The following P2RY8 variants were observed in gnomAD, a reference collection of about 807,000 sequenced individuals.
P2RY8 encodes S-geranylgeranyl-glutathione receptor P2RY8.
P2RY8 carries 6 observed loss-of-function variants against 10.0 expected under a neutral mutation model. That is an observed-to-expected ratio of 0.60 (90% CI 0.33 to 1.19). P2RY8 has a LOEUF of 1.19. P2RY8 is among the 50% of genes most tolerant of loss of function. The pLI is 0.04. For synonymous variants in P2RY8, 276 were observed against 252.5 expected, an observed-to-expected ratio of 1.09 and a Z score of -0.88; for missense variants, 456 against 542.0, an observed-to-expected ratio of 0.84 and a Z score of 1.58.
At chrX:1,530,915 A>G (rs1396361867) in intron 1 of P2RY8, among the ~76,000 whole-genome samples, 1 of 151,496 alleles carries the variant, frequency 6.6e-6, no homozygotes, top group Non-Finnish European at 1.5e-5. Context: ...TCATCTATCT[A>G]TCTAATCTAT....
chrX:1,473,080 G>T (rs111161756), intron 1 of P2RY8, among the ~76,000 whole-genome samples: 1 of 103,946 alleles, frequency 9.6e-6, no homozygotes, highest in African/African-American at 3.5e-5. Flanking sequence ...TTAGTGTTTA[G>T]ATAACTGGAA....
Position 1,464,671 on chromosome X carries a change from G to C in P2RY8, c.*808C>G, listed in dbSNP as rs1429602392. ...AGGGAAGCCTGAGTGTGTTCCAGGGGCCTGATGGGACCTCCTTCTCTATCA... is the reference window on the plus strand; with the variant it reads ...AGGGAAGCCTGAGTGTGTTCCAGGGCCCTGATGGGACCTCCTTCTCTATCA... On this transcript the variant is annotated 3_prime_UTR_variant, in exon 2 of 2. Coordinates refer to ENST00000381297, the MANE Select transcript of P2RY8 (RefSeq NM_178129.5). The C allele has an allele frequency of 4.3e-6, 1 of 233,144 alleles. No homozygotes were observed. Among genetic ancestry groups the C allele is most frequent in the South Asian group, 1.8e-4 (1 of 5,532 alleles). 14.4% of individuals were successfully genotyped at this position (233,144 alleles called of 1,614,324 possible). A position where few individuals can be genotyped will look rare whatever the true frequency, so the allele number is the denominator to read the frequency against.
intron 1 of P2RY8, among the ~76,000 whole-genome samples, chrX:1,468,796 TCCC>T (rs1158407438): frequency 5.0e-4 from 1 of 2,014 alleles, no homozygotes; most frequent in African/African-American, 1.8e-3. Flanking sequence ...CCCTCTCCCC[TCCC>T]CTTCCCTCTC....
At chrX:1,527,999 G>A (rs1245340099) in intron 1 of P2RY8, among the ~76,000 whole-genome samples, 5 of 152,094 alleles carry the variant, frequency 3.3e-5, no homozygotes, top group Admixed American at 2.0e-4. Context: ...TCTATTCCAC[G>A]TGTGGCCACC....
At chrX:1,504,206 C>T (rs1325321716) in intron 1 of P2RY8, among the ~76,000 whole-genome samples, 1 of 148,884 alleles carries the variant, frequency 6.7e-6, no homozygotes, top group African/African-American at 2.5e-5. Context: ...GTCCCAGCTA[C>T]TCGGGAGGCT....
chrX:1,526,707 A>T (rs1253887368), intron 1 of P2RY8, among the ~76,000 whole-genome samples: 1 of 148,696 alleles, frequency 6.7e-6, no homozygotes, highest in Non-Finnish European at 1.5e-5. Context: ...CATCCAATTC[A>T]TCCATCTATC....
chrX:1,531,737 A>T (rs1394013148), intron 1 of P2RY8, among the ~76,000 whole-genome samples: 1 of 152,128 alleles, frequency 6.6e-6, no homozygotes, highest in Non-Finnish European at 1.5e-5. Flanking sequence ...TTTCCCCTGG[A>T]GCAGGGCACT....
chrX:1,466,364 C>G lies in P2RY8; in HGVS notation c.195G>C (p.Leu65=). ...RSPSVIFMIN[L]SVTDLMLASV... The stretch of plus-strand genomic sequence containing the variant: ...TGGCCAGCATCAGGTCCGTGACGCT[C>G]AGGTTGATCATGAAGATGACCGACG... The change falls in exon 2 of 2, where the codon CTG becomes CTC. Residue 65 remains leucine (L), a synonymous_variant. Transcript: ENST00000381297. The G allele has an allele frequency of 6.2e-7, 1 of 1,613,822 alleles. No homozygotes were observed. The highest frequency in any genetic ancestry group is 8.5e-7 in the Non-Finnish European group (1 of 1,179,854).
At chrX:1,516,216 C>CAAAA (rs112983650) in intron 1 of P2RY8, among the ~76,000 whole-genome samples, 3,076 of 144,454 alleles carry the variant, frequency 0.021, 58 homozygotes, top group Non-Finnish European at 0.028. Flanking sequence ...AAAACAACAA[C>CAAAA]AAAAAAAAAA....
intron 1 of P2RY8, among the ~76,000 whole-genome samples, chrX:1,525,772 GTCCATCCA>G (rs200299129): frequency 1.3e-5 from 2 of 148,194 alleles, no homozygotes; most frequent in African/African-American, 2.5e-5. Flanking sequence ...CCATCCATCT[GTCCATCCA>G]TCCATCCATC....
intron 1 of P2RY8, among the ~76,000 whole-genome samples, chrX:1,493,550 A>G (rs185975658): frequency 6.6e-6 from 1 of 152,272 alleles, no homozygotes; most frequent in Non-Finnish European, 1.5e-5. Context: ...GTCGACGTGA[A>G]CTATTTTTAT....
intron 1 of P2RY8, among the ~76,000 whole-genome samples, chrX:1,502,056 G>C (rs1472448871): frequency 1.3e-5 from 2 of 152,010 alleles, no homozygotes; most frequent in African/African-American, 4.8e-5. Context: ...AACTACAGGC[G>C]TGTGCCACCA....
chrX:1,484,715 A>C lies in P2RY8; in HGVS notation c.-24-18133T>G, dbSNP rs28665178. Among the ~76,000 whole-genome samples the C allele has an allele frequency of 5.7e-4, 56 of 98,246 alleles. No homozygotes were observed. The East Asian group carries it at 0.011, about 20-fold the overall frequency. 64.5% of individuals were successfully genotyped at this position (98,246 alleles called of 152,430 possible). A position where few individuals can be genotyped will look rare whatever the true frequency, so the allele number is the denominator to read the frequency against. On this transcript the variant is annotated intron_variant, in intron 1 of 1. Coordinates refer to ENST00000381297, the MANE Select transcript of P2RY8 (RefSeq NM_178129.5). ...TGCACTCCAGCCTGCGTGACAGAGC[A>C]AAACCCTGTAAAAAAAAAAAAAAAA...
At chrX:1,517,969 C>T (rs755563712) in intron 1 of P2RY8, among the ~76,000 whole-genome samples, 39 of 150,814 alleles carry the variant, frequency 2.6e-4, no homozygotes, top group African/African-American at 8.5e-4. Flanking sequence ...ATTAGCTGGG[C>T]GTGGTGGTGC....
intron 1 of P2RY8, among the ~76,000 whole-genome samples, chrX:1,523,570 TCTC>T (rs2092408452): frequency 6.6e-6 from 1 of 152,052 alleles, no homozygotes; most frequent in African/African-American, 2.4e-5. Context: ...TAGGTACAGG[TCTC>T]CTTCTGAGCG....
At chrX:1,486,376 A>G (rs2091986796) in intron 1 of P2RY8, among the ~76,000 whole-genome samples, 1 of 152,204 alleles carries the variant, frequency 6.6e-6, no homozygotes, top group Non-Finnish European at 1.5e-5. Context: ...GTGGAATAGT[A>G]TACAGCCATG....
chrX:1,516,625 C>T (rs1379652312), intron 1 of P2RY8, among the ~76,000 whole-genome samples: 1 of 151,794 alleles, frequency 6.6e-6, no homozygotes, highest in Admixed American at 6.6e-5. Flanking sequence ...TCAGGAGGAA[C>T]CAGCCCTGCC....
intron 1 of P2RY8, among the ~76,000 whole-genome samples, chrX:1,484,610 T>C (rs2091969236): frequency 6.7e-6 from 1 of 150,236 alleles, no homozygotes; most frequent in African/African-American, 2.5e-5. Flanking sequence ...TGCCTGTCAT[T>C]CCAGCTACTC....
intron 1 of P2RY8, among the ~76,000 whole-genome samples, chrX:1,534,480 G>C (rs747066228): frequency 6.6e-6 from 1 of 152,096 alleles, no homozygotes; most frequent in South Asian, 2.1e-4. Flanking sequence ...GCAGGGTGTT[G>C]TGTGTCTCCC....
Sources: gnomAD v4.1 joint callset for allele counts (sites outside exome capture counted in the v4.1 genomes callset) on GRCh38, gnomAD v4.1.1 for gene constraint, MANE v1.5 for transcripts, NCBI Gene and HGNC (gene_info 2026-07-23, HGNC 2026-07-21) for gene names.